Variants in CSTPP1 observed in about 807,000 individuals in gnomAD.
CSTPP1 encodes the protein UPF0705 protein C11orf49.
the CSTPP1 span, among the ~76,000 whole-genome samples, chr11:47,068,435 G>C: frequency 6.6e-6 from 1 of 152,096 alleles, no homozygotes; most frequent in African/African-American, 2.4e-5. Flanking sequence ...AGGAGGCTGA[G>C]GTGGGAGAAT....
the CSTPP1 span, chr11:47,137,402 C>A: frequency 6.7e-7 from 1 of 1,502,916 alleles, no homozygotes; most frequent in Non-Finnish European, 8.9e-7. Flanking sequence ...AATTTTCATA[C>A]CAGTGAAGCT....
chr11:47,095,717 C>CAA, the CSTPP1 span, among the ~76,000 whole-genome samples: 2 of 152,126 alleles, frequency 1.3e-5, no homozygotes, highest in African/African-American at 4.8e-5. Context: ...AAATTCCTAG[C>CAA]GCTTTTCAAC....
At chr11:47,047,133 T>A in the CSTPP1 span, among the ~76,000 whole-genome samples, 1 of 152,140 alleles carries the variant, frequency 6.6e-6, no homozygotes, top group African/African-American at 2.4e-5. Flanking sequence ...ACTCCTGACC[T>A]CAGGTGATCT....
At chr11:47,068,173 G>A in the CSTPP1 span, among the ~76,000 whole-genome samples, 1 of 152,140 alleles carries the variant, frequency 6.6e-6, no homozygotes, top group Admixed American at 6.6e-5. Context: ...CTGACAGCCT[G>A]TATCAATCTG....
the CSTPP1 span, among the ~76,000 whole-genome samples, chr11:47,108,855 G>A: frequency 2.0e-5 from 3 of 151,652 alleles, no homozygotes; most frequent in African/African-American, 2.4e-5. Context: ...TACAGGCGCC[G>A]GCCACCATGC....
At chr11:47,155,048 T>C in the CSTPP1 span, 1 of 806,532 alleles carries the variant, frequency 1.2e-6, no homozygotes, top group Admixed American at 1.8e-5. Context: ...CAGGGGAGAC[T>C]GGCGGCCCAG....
chr11:46,994,741 T>G, the CSTPP1 span, among the ~76,000 whole-genome samples: 28 of 152,214 alleles, frequency 1.8e-4, no homozygotes, highest in African/African-American at 6.3e-4. Context: ...AATTCTCTTT[T>G]TTTGTTATGT....
the CSTPP1 span, among the ~76,000 whole-genome samples, chr11:47,133,027 A>G: frequency 2.0e-5 from 3 of 152,220 alleles, no homozygotes; most frequent in Non-Finnish European, 2.9e-5. Flanking sequence ...CAACTCTGCA[A>G]TGTTCATACT....
chr11:46,965,077 C>G, the CSTPP1 span, among the ~76,000 whole-genome samples: 1 of 151,976 alleles, frequency 6.6e-6, no homozygotes, highest in Non-Finnish European at 1.5e-5. Context: ...TCAAAGAAAC[C>G]ATAAACATCA....
chr11:47,052,548 T>C, the CSTPP1 span: 3 of 1,604,254 alleles, frequency 1.9e-6, no homozygotes, highest in South Asian at 2.2e-5. Flanking sequence ...TTTTCCTTCC[T>C]TCCTTCCTTC....
At chr11:47,161,395 T>C in the CSTPP1 span, 4 of 1,600,018 alleles carry the variant, frequency 2.5e-6, no homozygotes, top group East Asian at 4.5e-5. Context: ...GTGTTAAGAG[T>C]GGGCATGGAG....
chr11:46,961,831 AG>A, the CSTPP1 span, among the ~76,000 whole-genome samples: 1 of 152,078 alleles, frequency 6.6e-6, no homozygotes, highest in Non-Finnish European at 1.5e-5. Flanking sequence ...TTCCCCATTG[AG>A]TGTTTTTGGC....
chr11:47,147,706 G>A, the CSTPP1 span, among the ~76,000 whole-genome samples: 5 of 152,296 alleles, frequency 3.3e-5, no homozygotes, highest in East Asian at 1.9e-4. Context: ...TCGGAACTGT[G>A]ACTAGCGTCA....
the CSTPP1 span, among the ~76,000 whole-genome samples, chr11:47,109,593 G>T: frequency 6.6e-6 from 1 of 152,212 alleles, no homozygotes; most frequent in Non-Finnish European, 1.5e-5. Context: ...GTCAGTCGGT[G>T]ACTTGAAATG....
chr11:47,101,186 T>TG, the CSTPP1 span, among the ~76,000 whole-genome samples: 1 of 102,040 alleles, frequency 9.8e-6, no homozygotes, highest in African/African-American at 4.0e-5. Flanking sequence ...TTTTTTTTTT[T>TG]TTTATTTTAT....
the CSTPP1 span, among the ~76,000 whole-genome samples, chr11:46,964,475 C>T: frequency 1.4e-4 from 22 of 152,120 alleles, no homozygotes; most frequent in African/African-American, 5.1e-4. Flanking sequence ...TTAGTAGAGA[C>T]GGGGTTTCAC....
the CSTPP1 span, among the ~76,000 whole-genome samples, chr11:47,152,580 G>C: frequency 6.6e-6 from 1 of 152,220 alleles, no homozygotes; most frequent in Non-Finnish European, 1.5e-5. Flanking sequence ...CTCCGAGGCA[G>C]GCTCTGGAAT....
the CSTPP1 span, among the ~76,000 whole-genome samples, chr11:46,954,580 TAAA>T: frequency 6.6e-6 from 1 of 151,836 alleles, no homozygotes; most frequent in South Asian, 2.1e-4. Flanking sequence ...AAAAATAAAA[TAAA>T]AAAGAAGAGG....
the CSTPP1 span, among the ~76,000 whole-genome samples, chr11:47,068,283 G>A: frequency 1.3e-5 from 2 of 152,152 alleles, no homozygotes; most frequent in African/African-American, 4.8e-5. Flanking sequence ...TGTAATCCCA[G>A]TACTTTGAGA....
Sources: allele counts gnomAD v4.1 joint callset (sites outside exome capture counted in the v4.1 genomes callset), GRCh38; gene constraint gnomAD v4.1.1; transcripts MANE v1.5; gene names NCBI Gene and HGNC (gene_info 2026-07-23, HGNC 2026-07-21).